Variants in ADNP observed in about 807,000 individuals in gnomAD.
ADNP encodes the protein activity dependent neuroprotector homeobox.
Under a neutral mutation model 84.9 loss-of-function variants are expected in ADNP, and 4 were observed. The observed-to-expected ratio is 0.05, with a 90% confidence interval of 0.02 to 0.11. The LOEUF is 0.11. Ranked by LOEUF, ADNP falls within the 10% of genes least tolerant of loss-of-function variation. ADNP has a pLI of 1.00. For synonymous variants in ADNP, 554 were observed against 468.1 expected (o/e 1.18, Z -2.37); for missense variants, 1,132 against 1,326.0 (o/e 0.85, Z 2.27).
rs370787624 is a variant in ADNP, at chr20:50,893,592, G to A, written c.1122C>T (p.Asn374=). Residue 374 remains asparagine (N), a synonymous_variant, in exon 6 of 6, where the codon AAC becomes AAT. Coordinates refer to ENST00000621696, the MANE Select transcript of ADNP (RefSeq NM_001282531.3). The surrounding 1 kb of genome is among the most constrained non-coding windows in gnomAD (Gnocchi z 4.4). ...QSVKQLLPSG[N]GRSYGLGSEQ... ...CTGACCCAAGCCCATAAGACCTTCC[G>A]TTTCCACTTGGAAGTAACTGCTTTA... The A allele has an allele frequency of 8.1e-5, 130 of 1,614,100 alleles. No homozygotes were observed. The highest frequency in any genetic ancestry group is 5.9e-4 in the South Asian group (54 of 91,074).
At chr20:50,920,281 AAAAG>A (rs1555816096) in intron 2 of ADNP, among the ~76,000 whole-genome samples, 267 of 139,190 alleles carry the variant, frequency 1.9e-3, no homozygotes, top group Middle Eastern at 3.8e-3. Context: ...AAAAAAAAAA[AAAAG>A]AAAGAAAGAA....
In ADNP at chr20:50,893,872, A is replaced by G. The variant is rs1600934676; in HGVS notation, c.842T>C (p.Met281Thr). ...GGAACCGATCCTTGGTGGGAGTCCC[A>G]TGCTCTTCTTGTCTTGAGGTTTGGG... ...IAPKPQDKKS[M>T]GLPPRIGSLA... Residue 281 changes from methionine to threonine, a missense_variant, in exon 6 of 6, where the codon ATG (methionine) becomes ACG (threonine). Met to Thr is a moderately conservative substitution (Grantham distance 81). Coordinates refer to ENST00000621696, the MANE Select transcript of ADNP (RefSeq NM_001282531.3). This position sits in a 1 kb window ranked among gnomAD's most constrained non-coding sequence, Gnocchi z 4.4. 6.2e-7 allele frequency: 1 copy of G among 1,614,182 alleles called. No homozygotes were observed. The highest frequency in any genetic ancestry group is 2.2e-5 in the East Asian group (1 of 44,874).
intron 5 of ADNP, among the ~76,000 whole-genome samples, chr20:50,899,161 T>C (rs1186848925): frequency 6.6e-6 from 1 of 151,984 alleles, no homozygotes; most frequent in Admixed American, 6.5e-5. Flanking sequence ...CAGGGCCAAC[T>C]GTGGGACTTA....
At chr20:50,906,239 TACTACAAACCAGGTC>T (rs1374740916) in intron 2 of ADNP, among the ~76,000 whole-genome samples, 1 of 151,962 alleles carries the variant, frequency 6.6e-6, no homozygotes. Flanking sequence ...CACATACAGT[TACTACAAACCAGGTC>T]TTTTAGAGAG....
intron 2 of ADNP, among the ~76,000 whole-genome samples, chr20:50,927,236 C>T (rs1235981773): frequency 6.6e-6 from 1 of 152,138 alleles, no homozygotes; most frequent in African/African-American, 2.4e-5. Context: ...AGCAAATTCA[C>T]AGTGGGCATG....
At chr20:50,927,675 C>T (rs572768194) in intron 2 of ADNP, among the ~76,000 whole-genome samples, 11 of 152,098 alleles carry the variant, frequency 7.2e-5, no homozygotes, top group Admixed American at 6.5e-4. Flanking sequence ...GGATTACAGG[C>T]GTAAGCCACC....
At chr20:50,921,913 C>G (rs549735218) in intron 2 of ADNP, among the ~76,000 whole-genome samples, 2 of 152,222 alleles carry the variant, frequency 1.3e-5, no homozygotes, top group East Asian at 1.9e-4. Context: ...AGGAGCACTT[C>G]CCAGTTTACT....
At position 50,925,263 on chromosome 20, in the gene ADNP, T is replaced by TACACACACACACACAC. The variant is rs57985341; in HGVS notation, c.-90+3372_-90+3387dup. 8.5e-3 allele frequency among the ~76,000 whole-genome samples: 1,274 copies of TACACACACACACACAC among 149,078 alleles called. 17 individuals carry two copies. Among genetic ancestry groups the TACACACACACACACAC allele is most frequent in the African/African-American group, 0.028 (1,142 of 40,418 alleles). ...CTCAATTTTTATCTGTGACTTCCTA[T>TACACACACACACACAC]ACACACACACACACACACACACACA... On this transcript the variant is annotated intron_variant, in intron 2 of 5. Coordinates refer to ENST00000621696, the MANE Select transcript of ADNP (RefSeq NM_001282531.3).
chr20:50,911,921 T>C (rs1983076653), intron 2 of ADNP, among the ~76,000 whole-genome samples: 1 of 152,124 alleles, frequency 6.6e-6, no homozygotes, highest in Admixed American at 6.5e-5. Context: ...TGTGTCATAG[T>C]GTGTCCTACT....
intron 2 of ADNP, chr20:50,913,849 G>A (rs1600977950): frequency 5.4e-6 from 3 of 559,960 alleles, no homozygotes; most frequent in East Asian, 7.5e-5. Flanking sequence ...CAGGACAGAA[G>A]TGCATTGCAT....
chr20:50,897,243 G>T (rs1276762632), intron 5 of ADNP, among the ~76,000 whole-genome samples: 2 of 152,176 alleles, frequency 1.3e-5, no homozygotes, highest in Admixed American at 6.5e-5. Context: ...GCCCGGCCAC[G>T]TGTTTTCAGA....
intron 1 of ADNP, among the ~76,000 whole-genome samples, chr20:50,929,189 A>T (rs1165034209): frequency 6.6e-6 from 1 of 152,212 alleles, no homozygotes; most frequent in Non-Finnish European, 1.5e-5. Context: ...CTTTGTTTCA[A>T]ACCTTCTCCT....
chr20:50,930,364 G>A (rs1032127716), intron 1 of ADNP, among the ~76,000 whole-genome samples: 2 of 143,816 alleles, frequency 1.4e-5, no homozygotes, highest in Admixed American at 6.8e-5. Context: ...CCCCAACCCC[G>A]TCCCCCCTCC....
At position 50,892,581 on chromosome 20, in the gene ADNP, A is replaced by C. The variant is rs140363157; in HGVS notation, c.2133T>G (p.Ser711Arg). The change falls in exon 6 of 6, where the codon AGT (serine) becomes AGG (arginine). Residue 711 changes from serine (S) to arginine (R), a missense_variant. Transcript: ENST00000621696. ...NAPSRLNQSP[S>R]LAPVKRTYEQ... Reference sequence around the variant, plus strand: ...CGTAAGTGCGCTTCACAGGTGCCAGACTTGGAGACTGATTAAGCCGAGAGG... The same window carrying C: ...CGTAAGTGCGCTTCACAGGTGCCAGCCTTGGAGACTGATTAAGCCGAGAGG... 1.2e-6 allele frequency: 2 copies of C among 1,614,216 alleles called. No homozygotes were observed. The highest frequency in any genetic ancestry group is 2.7e-5 in the African/African-American group (2 of 75,064).
At chr20:50,899,902 A>G (rs1456644514) in intron 5 of ADNP, among the ~76,000 whole-genome samples, 1 of 146,734 alleles carries the variant, frequency 6.8e-6, no homozygotes, top group South Asian at 2.2e-4. Context: ...CGGTAGCAAG[A>G]TTCATTATGA....
rs1600932539 is a variant in ADNP, at chr20:50,893,423, C to T, written c.1291G>A (p.Ala431Thr). The T allele has an allele frequency of 6.2e-7, 1 of 1,614,114 alleles. No individual in the cohort carries two copies. The highest frequency in any genetic ancestry group is 8.5e-7 in the Non-Finnish European group (1 of 1,180,026). The change falls in exon 6 of 6, where the codon GCT (alanine) becomes ACT (threonine). Residue 431 changes from alanine (A) to threonine (T), a missense_variant. By Grantham distance (58) the Ala-to-Thr change is moderately conservative. This residue lies in a region of ADNP where 239 missense variants were observed against 213.2 expected (regional missense o/e 1.12). Transcript: ENST00000621696. This position sits in a 1 kb window ranked among gnomAD's most constrained non-coding sequence, Gnocchi z 4.4. ...LGQSSSKPAA[A>T]ATGPPPGNTS... ...TTACCTGGGGGAGGGCCTGTGGCAG[C>T]TGCAGCAGGTTTGGAACTGGACTGA... is the stretch of plus-strand genomic sequence containing the variant.
At chr20:50,907,782 G>A (rs1193522594) in intron 2 of ADNP, among the ~76,000 whole-genome samples, 1 of 151,312 alleles carries the variant, frequency 6.6e-6, no homozygotes, top group Non-Finnish European at 1.5e-5. Context: ...TTTTTTTGTA[G>A]AGATGGGGTG....
chr20:50,900,514 C>T (rs1981864223), intron 5 of ADNP, among the ~76,000 whole-genome samples: 1 of 152,144 alleles, frequency 6.6e-6, no homozygotes, highest in Non-Finnish European at 1.5e-5. Context: ...GGTGTGTTTA[C>T]ATTAGTATCA....
At chr20:50,908,569 T>A (rs1403363069) in intron 2 of ADNP, among the ~76,000 whole-genome samples, 10 of 151,772 alleles carry the variant, frequency 6.6e-5, no homozygotes, top group Middle Eastern at 3.4e-3. Flanking sequence ...GGTCAGGAGA[T>A]CGAGACCATC....
Sources: gnomAD v4.1 joint callset for allele counts (sites outside exome capture counted in the v4.1 genomes callset) on GRCh38, gnomAD v4.1.1 for gene constraint, gnomAD v4.1.1 regional missense constraint, Gnocchi (gnomAD v3.1) non-coding constraint, MANE v1.5 for transcripts, NCBI Gene and HGNC (gene_info 2026-07-23, HGNC 2026-07-21) for gene names.